The following TCF4 variants were observed in gnomAD, a reference collection of about 807,000 sequenced individuals.
TCF4 encodes transcription factor 4.
Under a neutral mutation model 82.1 loss-of-function variants are expected in TCF4, and 3 were observed. That is an observed-to-expected ratio of 0.04 (90% confidence interval 0.02 to 0.09). TCF4 has a LOEUF of 0.09. Among genes scored for constraint, TCF4 ranks in the 10% least tolerant of loss-of-function variants. The pLI, the probability that TCF4 is intolerant of heterozygous loss-of-function variation, is 1.00. For synonymous variants in TCF4, 276 were observed against 309.6 expected, an observed-to-expected ratio of 0.89 and a Z score of 1.14; for missense variants, 518 against 852.7, an observed-to-expected ratio of 0.61 and a Z score of 4.89.
At chr18:55,358,216 A>C (rs749638373) in intron 6 of TCF4, among the ~76,000 whole-genome samples, 18 of 152,262 alleles carry the variant, frequency 1.2e-4, no homozygotes, top group Non-Finnish European at 2.5e-4. Context: ...ATATTGAAGT[A>C]AATGCAGAAC....
rs557515001 is a variant in TCF4, at chr18:55,413,426, A to G, written c.305-9908T>C. On this transcript the variant is annotated intron_variant, in intron 5 of 19. Transcript: ENST00000354452. ...GAAGATTGCTAACCATTATATTTAT[A>G]GAAGAATGATGTTTTCCAGCCAAGC... is the stretch of plus-strand genomic sequence containing the variant. 1.1e-3 allele frequency among the ~76,000 whole-genome samples: 173 copies of G among 152,346 alleles called. 1 individual carries two copies. The highest frequency in any genetic ancestry group is 6.8e-3 in the Middle Eastern group (2 of 294).
chr18:55,378,930 A>G (rs2091384995), intron 6 of TCF4, among the ~76,000 whole-genome samples: 1 of 152,230 alleles, frequency 6.6e-6, no homozygotes. Flanking sequence ...TTTGAGAACC[A>G]CAAAAGTTGT....
rs537226954 is a variant in TCF4 at position 55,496,728 on chromosome 18, G to C, written c.146-32591C>G. ...CACAATAATAACAAAAATAATGAAA[G>C]CCATAGTAACCCAGTTATATAGTCC... On this transcript the variant is annotated intron_variant, in intron 3 of 19. Transcript: ENST00000354452. Among the ~76,000 whole-genome samples the C allele has an allele frequency of 1.6e-4, 25 of 151,936 alleles. No individual in the cohort carries two copies. The South Asian group carries it at 5.2e-3, about 32-fold the overall frequency.
intron 8 of TCF4, chr18:55,302,309 T>G: frequency 9.7e-7 from 1 of 1,031,006 alleles, no homozygotes; most frequent in East Asian, 2.6e-5. Flanking sequence ...ACAGAAGTAG[T>G]GCAAAGCAAA....
intron 8 of TCF4, among the ~76,000 whole-genome samples, chr18:55,341,600 G>A (rs1400949227): frequency 6.6e-6 from 1 of 152,074 alleles, no homozygotes; most frequent in Admixed American, 6.6e-5. Context: ...TTTATGTCTA[G>A]TGCAGTGTTT....
rs560003916 is a variant in TCF4, at chr18:55,393,791, C to G, written c.369+9663G>C. Among the ~76,000 whole-genome samples, 5 of 152,268 alleles carry G rather than the reference C, an allele frequency of 3.3e-5. No individual in the cohort carries two copies. In the East Asian group the frequency reaches 9.6e-4, roughly 29 times the overall value. On this transcript the variant is annotated intron_variant, in intron 6 of 19. Coordinates refer to ENST00000354452, the MANE Select transcript of TCF4 (RefSeq NM_001083962.2). The stretch of plus-strand genomic sequence containing the variant: ...TAGCTACTCAGCTAAATAAAAATAA[C>G]ATATTTAGTGATTTGTAATGTAAGA...
intron 2 of TCF4, among the ~76,000 whole-genome samples, chr18:55,600,816 A>G (rs930775445): frequency 5.3e-5 from 8 of 152,256 alleles, no homozygotes; most frequent in African/African-American, 1.9e-4. Flanking sequence ...TCTGTATTGA[A>G]CATATAAGAC....
intron 6 of TCF4, among the ~76,000 whole-genome samples, chr18:55,389,452 C>A (rs1355193273): frequency 6.6e-6 from 1 of 152,186 alleles, no homozygotes; most frequent in African/African-American, 2.4e-5. Context: ...AGAGAGGCAG[C>A]TCGCTCTGCC....
intron 5 of TCF4, among the ~76,000 whole-genome samples, chr18:55,420,867 A>T (rs2094715506): frequency 6.6e-6 from 1 of 151,972 alleles, no homozygotes; most frequent in Non-Finnish European, 1.5e-5. Context: ...TGGGGGAAAA[A>T]AGAACCAATC....
chr18:55,549,331 A>G (rs1328706672), intron 3 of TCF4, among the ~76,000 whole-genome samples: 3 of 144,448 alleles, frequency 2.1e-5, no homozygotes, highest in African/African-American at 7.6e-5. Context: ...TTGCTTTAAT[A>G]AAAAAAAAAA....
At chr18:55,334,850 A>T (rs1029470138) in intron 8 of TCF4, among the ~76,000 whole-genome samples, 3 of 152,208 alleles carry the variant, frequency 2.0e-5, no homozygotes, top group Non-Finnish European at 4.4e-5. Context: ...TGTCAAAGAT[A>T]CCCATTTAAA....
intron 3 of TCF4, among the ~76,000 whole-genome samples, chr18:55,544,932 T>C (rs988837429): frequency 6.6e-6 from 1 of 152,138 alleles, no homozygotes; most frequent in African/African-American, 2.4e-5. Flanking sequence ...AGCAAGTACA[T>C]GAAGTGTCTA....
intron 6 of TCF4, among the ~76,000 whole-genome samples, chr18:55,393,746 C>T (rs72926938): frequency 9.9e-5 from 15 of 152,122 alleles, no homozygotes; most frequent in Non-Finnish European, 1.9e-4. Flanking sequence ...AGTAACTTAC[C>T]ATCAAAGTAC....
intron 3 of TCF4, among the ~76,000 whole-genome samples, chr18:55,505,272 A>T (rs1333896178): frequency 1.3e-5 from 2 of 152,320 alleles, no homozygotes; most frequent in South Asian, 4.1e-4. Flanking sequence ...TCTTCAATAG[A>T]GCCACCTTTT....
chr18:55,507,141 G>A (rs939908676), intron 3 of TCF4, among the ~76,000 whole-genome samples: 20 of 152,200 alleles, frequency 1.3e-4, no homozygotes, highest in African/African-American at 4.3e-4. Context: ...GGGATTACAG[G>A]CATGAGCCAC....
chr18:55,620,791 T>C (rs1037000679), intron 2 of TCF4, among the ~76,000 whole-genome samples: 4 of 141,534 alleles, frequency 2.8e-5, no homozygotes, highest in Admixed American at 7.0e-5. Context: ...TCATATATTT[T>C]GTCCAGTTCT....
At chr18:55,481,503 T>C (rs2096431402) in intron 3 of TCF4, among the ~76,000 whole-genome samples, 1 of 152,216 alleles carries the variant, frequency 6.6e-6, no homozygotes, top group Non-Finnish European at 1.5e-5. Flanking sequence ...AGAAATCCTG[T>C]TGTCTGTGCT....
chr18:55,613,696 T>G (rs1454766451), intron 2 of TCF4, among the ~76,000 whole-genome samples: 1 of 152,184 alleles, frequency 6.6e-6, no homozygotes, highest in African/African-American at 2.4e-5. Context: ...TGTTACACAC[T>G]TCTGAACAGC....
At chr18:55,453,270 C>T (rs2095662940) in intron 5 of TCF4, among the ~76,000 whole-genome samples, 1 of 152,118 alleles carries the variant, frequency 6.6e-6, no homozygotes, top group Non-Finnish European at 1.5e-5. Flanking sequence ...AGGGGAAGGA[C>T]AAAAGAATCA....
Sources: allele counts gnomAD v4.1 joint callset (sites outside exome capture counted in the v4.1 genomes callset), GRCh38; gene constraint gnomAD v4.1.1; transcripts MANE v1.5; gene names NCBI Gene and HGNC (gene_info 2026-07-23, HGNC 2026-07-21).